ADGRD1: variants seen among roughly 807,000 people sequenced by gnomAD.
The protein encoded by ADGRD1 is adhesion G protein-coupled receptor D1.
Under a neutral mutation model 113.4 loss-of-function variants are expected in ADGRD1, and 77 were observed. The ratio of observed to expected loss-of-function variants is 0.68; its 90% CI spans 0.57 to 0.82. ADGRD1 has a LOEUF of 0.82. ADGRD1 is among the 40% of genes least tolerant of loss of function. The pLI is 0.00. For missense variants in ADGRD1, 1,036 were observed against 1,139.1 expected (o/e 0.91, Z 1.30); for synonymous variants, 474 against 475.0 (o/e 1.00, Z 0.03).
At chr12:131,056,292 G>A (rs1883854239) in intron 13 of ADGRD1, among the ~76,000 whole-genome samples, 1 of 152,228 alleles carries the variant, frequency 6.6e-6, no homozygotes, top group African/African-American at 2.4e-5. Context: ...GCCGGCTATA[G>A]GGGAAAATCC....
chr12:131,018,699 C>A (rs1195914), intron 13 of ADGRD1, among the ~76,000 whole-genome samples: 82,682 of 152,166 alleles, frequency 0.54, 23,975 homozygotes, highest in East Asian at 0.78. Flanking sequence ...AAGGGCAAAT[C>A]AATGTATTTT....
rs1388942333 is a variant in ADGRD1, at chr12:131,084,699, G to A, written c.1671+36G>A. 1.2e-6 allele frequency: 2 copies of A among 1,610,624 alleles called. No individual in the cohort carries two copies. The highest frequency in any genetic ancestry group is 1.7e-6 in the Non-Finnish European group (2 of 1,178,704). On this transcript the variant is annotated intron_variant, in intron 15 of 24. Transcript: ENST00000261654. The surrounding 1 kb of genome is among the most constrained non-coding windows in gnomAD (Gnocchi z 4.5). ...GGCCTCAGGGGTCGCGGGACCTGGGGGACGTACCATGAGGCTGCAGGTGGG... is the reference window on the plus strand; with the variant it reads ...GGCCTCAGGGGTCGCGGGACCTGGGAGACGTACCATGAGGCTGCAGGTGGG...
At chr12:131,088,366 C>T (rs1328983337) in intron 15 of ADGRD1, among the ~76,000 whole-genome samples, 13 of 152,248 alleles carry the variant, frequency 8.5e-5, no homozygotes, top group African/African-American at 3.1e-4. Flanking sequence ...CACGCCACGT[C>T]CTGCCCCGTA....
At chr12:131,126,445 GTA>G (rs1387572605) in intron 20 of ADGRD1, among the ~76,000 whole-genome samples, 1 of 152,188 alleles carries the variant, frequency 6.6e-6, no homozygotes, top group East Asian at 1.9e-4. Flanking sequence ...TTCTGTTATA[GTA>G]GCAGAAAACA....
chr12:131,114,003 G>GCA (rs1188835895), intron 18 of ADGRD1, among the ~76,000 whole-genome samples: 1 of 152,176 alleles, frequency 6.6e-6, no homozygotes, highest in Non-Finnish European at 1.5e-5. Flanking sequence ...GCACACACAC[G>GCA]CACACACACT....
intron 13 of ADGRD1, among the ~76,000 whole-genome samples, chr12:131,042,972 C>T (rs915168095): frequency 2.0e-5 from 3 of 152,258 alleles, no homozygotes. Flanking sequence ...GAGGCTGCGG[C>T]CCTCCCCGCC....
chr12:130,964,241 G>GC lies in ADGRD1; in HGVS notation c.104-2222_104-2221insC, dbSNP rs1195153739. Among the ~76,000 whole-genome samples, 298 of 151,972 alleles carry GC rather than the reference G, an allele frequency of 2.0e-3. 1 individual carries two copies. Among genetic ancestry groups the GC allele is most frequent in the African/African-American group, 6.9e-3 (287 of 41,448 alleles). On this transcript the variant is annotated intron_variant, in intron 2 of 24. Coordinates refer to ENST00000261654, the MANE Select transcript of ADGRD1 (RefSeq NM_198827.5). ...ATATGCACAGAAAACTTTGTTTTCT[G>GC]ATTGTGTTTTGTTTTATTTTATTAC...
chr12:131,000,747 C>CA (rs371823726), intron 9 of ADGRD1, among the ~76,000 whole-genome samples: 51,571 of 113,166 alleles, frequency 0.46, 10,164 homozygotes, highest in Middle Eastern at 0.49. Context: ...TCTCAAAAAA[C>CA]AAAAAAAAAA....
At chr12:131,008,462 G>C (rs1310931519) in intron 12 of ADGRD1, among the ~76,000 whole-genome samples, 1 of 152,232 alleles carries the variant, frequency 6.6e-6, no homozygotes, top group Non-Finnish European at 1.5e-5. Flanking sequence ...AGGGATGAGG[G>C]TGAGGGTCTA....
At chr12:131,095,365 C>G (rs1351305136) in intron 15 of ADGRD1, among the ~76,000 whole-genome samples, 1 of 152,268 alleles carries the variant, frequency 6.6e-6, no homozygotes, top group Non-Finnish European at 1.5e-5. Flanking sequence ...TCCAACCAGA[C>G]CCAGGCTGCT....
At chr12:130,977,113 C>G (rs933319449) in intron 4 of ADGRD1, 1 of 152,234 alleles carries the variant, frequency 6.6e-6, no homozygotes, top group Non-Finnish European at 1.5e-5. Context: ...TGCTCCCCTG[C>G]ACCCCACTGG....
Position 130,999,973 on chromosome 12 carries a change from G to T in ADGRD1, c.967-410G>T, listed in dbSNP as rs536847572. Among the ~76,000 whole-genome samples the T allele has an allele frequency of 2.6e-5, 4 of 152,332 alleles. No individual in the cohort carries two copies. In the South Asian group the frequency reaches 8.3e-4, roughly 32 times the overall value. ...GCTTTCTAGAGAGGTCATTTTCAGTGAACACGAGTGCTTCCACGTCAGTTT... is the reference window on the plus strand; with the variant it reads ...GCTTTCTAGAGAGGTCATTTTCAGTTAACACGAGTGCTTCCACGTCAGTTT... On this transcript the variant is annotated intron_variant, in intron 8 of 24. Coordinates refer to ENST00000261654, the MANE Select transcript of ADGRD1 (RefSeq NM_198827.5).
At chr12:131,048,546 GTC>G (rs972821783) in intron 13 of ADGRD1, among the ~76,000 whole-genome samples, 4 of 152,250 alleles carry the variant, frequency 2.6e-5, no homozygotes, top group Admixed American at 1.3e-4. Context: ...CACCGAGGGA[GTC>G]TCTGGTGATC....
In ADGRD1 at chr12:131,084,711, A is replaced by C. The variant is rs1886331768; in HGVS notation, c.1671+48A>C. 1 of 1,601,632 alleles carries C rather than the reference A, an allele frequency of 6.2e-7. No individual in the cohort carries two copies. ...CGCGGGACCTGGGGGACGTACCATGAGGCTGCAGGTGGGGGCGGGAGGATG... is the reference window on the plus strand; with the variant it reads ...CGCGGGACCTGGGGGACGTACCATGCGGCTGCAGGTGGGGGCGGGAGGATG... On this transcript the variant is annotated intron_variant, in intron 15 of 24. Transcript: ENST00000261654. The surrounding 1 kb of genome is among the most constrained non-coding windows in gnomAD (Gnocchi z 4.5).
chr12:130,997,821 C>T (rs1875793537), intron 8 of ADGRD1, among the ~76,000 whole-genome samples: 1 of 152,174 alleles, frequency 6.6e-6, no homozygotes, highest in African/African-American at 2.4e-5. Flanking sequence ...GCAGAGGCTG[C>T]AATCTCGGCA....
chr12:131,134,549 G>A (rs1423682119), intron 21 of ADGRD1, among the ~76,000 whole-genome samples: 2 of 152,244 alleles, frequency 1.3e-5, no homozygotes, highest in Non-Finnish European at 2.9e-5. Flanking sequence ...GCATGATATT[G>A]TTGTTTCCCA....
chr12:131,042,364 C>T (rs1032144180), intron 13 of ADGRD1, among the ~76,000 whole-genome samples: 1 of 152,222 alleles, frequency 6.6e-6, no homozygotes, highest in African/African-American at 2.4e-5. Flanking sequence ...CCCCAGCCCC[C>T]TGAGCCGCGT....
intron 18 of ADGRD1, among the ~76,000 whole-genome samples, chr12:131,110,948 C>A (rs772129076): frequency 6.6e-6 from 1 of 152,148 alleles, no homozygotes; most frequent in Non-Finnish European, 1.5e-5. Context: ...CCTTCTGGCT[C>A]GATTGTTTCT....
intron 13 of ADGRD1, among the ~76,000 whole-genome samples, chr12:131,063,886 T>C (rs945394977): frequency 3.0e-4 from 45 of 152,216 alleles, no homozygotes; most frequent in Admixed American, 2.9e-3. Flanking sequence ...AGAATTTATA[T>C]CTTTATTGTG....
Sources: allele counts gnomAD v4.1 joint callset (sites outside exome capture counted in the v4.1 genomes callset), GRCh38; gene constraint gnomAD v4.1.1; non-coding constraint Gnocchi (gnomAD v3.1); transcripts MANE v1.5; gene names NCBI Gene and HGNC (gene_info 2026-07-23, HGNC 2026-07-21).